MAP3K13: variants seen among roughly 807,000 people sequenced by gnomAD.
MAP3K13 encodes the protein leucine zipper-bearing kinase.
Under a neutral mutation model 104.0 loss-of-function variants are expected in MAP3K13, and 52 were observed. The ratio of observed to expected loss-of-function variants is 0.50; its 90% CI spans 0.40 to 0.63. MAP3K13 has a LOEUF of 0.63. Among genes scored for constraint, MAP3K13 ranks in the 20% least tolerant of loss-of-function variants. The pLI is 0.00. For missense variants in MAP3K13, 914 were observed against 1,218.5 expected, an observed-to-expected ratio of 0.75 and a Z score of 3.72; for synonymous variants, 394 against 442.2, an observed-to-expected ratio of 0.89 and a Z score of 1.37.
intron 2 of MAP3K13, among the ~76,000 whole-genome samples, chr3:185,329,429 A>G (rs1722164878): frequency 6.6e-6 from 1 of 152,250 alleles, no homozygotes; most frequent in African/African-American, 2.4e-5. Flanking sequence ...AATTAAAAGA[A>G]TGAGAATAAA....
At chr3:185,449,566 T>G (rs1185368977) in intron 5 of MAP3K13, among the ~76,000 whole-genome samples, 1 of 152,128 alleles carries the variant, frequency 6.6e-6, no homozygotes, top group Non-Finnish European at 1.5e-5. Flanking sequence ...CTAATCAATT[T>G]TTCCCCACTG....
intron 1 of MAP3K13, among the ~76,000 whole-genome samples, chr3:185,411,428 T>G (rs899616931): frequency 1.3e-5 from 2 of 152,200 alleles, no homozygotes; most frequent in Non-Finnish European, 2.9e-5. Context: ...TCCAAGCCCA[T>G]GACAAATACT....
chr3:185,384,337 T>A (rs952232062), intron 1 of MAP3K13, among the ~76,000 whole-genome samples: 5 of 150,490 alleles, frequency 3.3e-5, no homozygotes, highest in African/African-American at 7.3e-5. Flanking sequence ...TGTGTGTGTG[T>A]GAGACACATT....
At chr3:185,303,999 A>G (rs965021657) in intron 2 of MAP3K13, among the ~76,000 whole-genome samples, 1 of 151,904 alleles carries the variant, frequency 6.6e-6, no homozygotes, top group African/African-American at 2.4e-5. Flanking sequence ...TGCATCCCAT[A>G]CCTTTTGGTA....
At chr3:185,354,152 C>T (rs62288719) in intron 2 of MAP3K13, among the ~76,000 whole-genome samples, 35,451 of 151,690 alleles carry the variant, frequency 0.23, 4,463 homozygotes, top group Admixed American at 0.29. Flanking sequence ...CTTCACATTC[C>T]CAGAGCTCTT....
chr3:185,391,232 C>T (rs562966851), intron 1 of MAP3K13, among the ~76,000 whole-genome samples: 1 of 152,264 alleles, frequency 6.6e-6, no homozygotes, highest in East Asian at 1.9e-4. Flanking sequence ...TCCCCATTCC[C>T]CCTCCCCACA....
chr3:185,288,510 A>G (rs918822775), intron 2 of MAP3K13, among the ~76,000 whole-genome samples: 3 of 101,876 alleles, frequency 2.9e-5, no homozygotes, highest in Middle Eastern at 4.8e-3. Flanking sequence ...TAGAGAGAGA[A>G]AAAGAGAATA....
rs1277049726 is a variant in MAP3K13, at chr3:185,444,755, A to C, written c.851+1119A>C. 2.6e-5 allele frequency among the ~76,000 whole-genome samples: 4 copies of C among 152,294 alleles called. No individual in the cohort carries two copies. The East Asian group carries it at 7.7e-4, about 29-fold the overall frequency. On this transcript the variant is annotated intron_variant, in intron 4 of 13. Transcript: ENST00000265026. ...TCATCACATTTTGGGTTAGATAAGCAAAGGATTAATCTCTTTTCAAAATAT... is the reference window on the plus strand; with the variant it reads ...TCATCACATTTTGGGTTAGATAAGCCAAGGATTAATCTCTTTTCAAAATAT...
Position 185,437,638 on chromosome 3 carries a change from A to T in MAP3K13, c.659+8A>T, listed in dbSNP as rs1227658909. Reference sequence around the variant, plus strand: ...TAACATCATCGCATTCAAGTAGGTCAAGGCTTTTTTTTTTTAAGAAGTAGA... The same window carrying T: ...TAACATCATCGCATTCAAGTAGGTCTAGGCTTTTTTTTTTTAAGAAGTAGA... On this transcript the variant is annotated splice_region_variant and intron_variant, in intron 3 of 13. Transcript: ENST00000265026. 1 of 1,451,530 alleles carries T rather than the reference A, an allele frequency of 6.9e-7. No individual in the cohort carries two copies. Among genetic ancestry groups the T allele is most frequent in the Non-Finnish European group, 9.1e-7 (1 of 1,103,684 alleles). The allele number at this position is 1,451,530 out of a possible 1,614,324, so 89.9% of individuals were successfully genotyped here.
At chr3:185,437,662 G>A in intron 3 of MAP3K13, 32 bp downstream of exon 3, 1 of 1,554,774 alleles carries the variant, frequency 6.4e-7, no homozygotes. Context: ...TTAAGAAGTA[G>A]ACCTATTTTC....
chr3:185,476,380 T>C (rs1484583041), intron 11 of MAP3K13: 2 of 143,956 alleles, frequency 1.4e-5, no homozygotes, highest in Non-Finnish European at 3.0e-5. Flanking sequence ...AAAAAAAGCA[T>C]ATCAGAATAC....
At chr3:185,465,120 A>G (rs1268614680) in intron 8 of MAP3K13, among the ~76,000 whole-genome samples, 1 of 152,080 alleles carries the variant, frequency 6.6e-6, no homozygotes, top group Non-Finnish European at 1.5e-5. Flanking sequence ...TAGCTGTTGC[A>G]GGTGTGCTAA....
At chr3:185,310,764 T>C (rs1721470338) in intron 2 of MAP3K13, among the ~76,000 whole-genome samples, 1 of 151,994 alleles carries the variant, frequency 6.6e-6, no homozygotes, top group Non-Finnish European at 1.5e-5. Flanking sequence ...GAAATGAAAA[T>C]AACTTGATAT....
chr3:185,347,648 A>G (rs902025381), intron 2 of MAP3K13, among the ~76,000 whole-genome samples: 2 of 152,224 alleles, frequency 1.3e-5, no homozygotes, highest in African/African-American at 2.4e-5. Flanking sequence ...GTCACCAGGC[A>G]TTTTGAGGGA....
intron 2 of MAP3K13, among the ~76,000 whole-genome samples, chr3:185,349,141 T>A (rs1723044434): frequency 6.6e-6 from 1 of 151,848 alleles, no homozygotes; most frequent in East Asian, 1.9e-4. Context: ...TTTTTTTTAA[T>A]TTTAGATTCA....
At chr3:185,422,777 C>G (rs1208314053) in intron 1 of MAP3K13, among the ~76,000 whole-genome samples, 2 of 152,326 alleles carry the variant, frequency 1.3e-5, no homozygotes, top group Non-Finnish European at 1.5e-5. Flanking sequence ...AGCAGGGGTT[C>G]CCAACCTCCA....
intron 2 of MAP3K13, among the ~76,000 whole-genome samples, chr3:185,352,601 G>T (rs1723176978): frequency 6.6e-6 from 1 of 152,094 alleles, no homozygotes; most frequent in Non-Finnish European, 1.5e-5. Flanking sequence ...CCTATTTATT[G>T]TGTTTCTTGT....
chr3:185,415,590 TTTTTTTTTTTGAGACAGAG>T (rs1478395438), intron 1 of MAP3K13, among the ~76,000 whole-genome samples: 1 of 147,672 alleles, frequency 6.8e-6, no homozygotes. Context: ...TTTTTTTTTT[TTTTTTTTTTTGAGACAGAG>T]TTTTACGCTT....
chr3:185,290,211 G>A (rs916454542), intron 2 of MAP3K13, among the ~76,000 whole-genome samples: 3 of 151,890 alleles, frequency 2.0e-5, no homozygotes, highest in African/African-American at 7.3e-5. Flanking sequence ...CAATAATGGT[G>A]ATGGCATGCT....
Sources: gnomAD v4.1 joint callset for allele counts (sites outside exome capture counted in the v4.1 genomes callset) on GRCh38, gnomAD v4.1.1 for gene constraint, MANE v1.5 for transcripts, NCBI Gene and HGNC (gene_info 2026-07-23, HGNC 2026-07-21) for gene names.